The following TRAP1 variants were observed in gnomAD, a reference collection of about 807,000 sequenced individuals.
TRAP1 encodes heat shock protein 75 kDa, mitochondrial.
A neutral mutation model predicts 89.1 loss-of-function variants in TRAP1; 102 were observed. The observed-to-expected ratio is 1.15, with a 90% CI of 0.98 to 1.35. The LOEUF (loss-of-function observed/expected upper bound fraction) is 1.35. Ranked by LOEUF, TRAP1 falls within the 40% of genes most tolerant of loss-of-function variation. The pLI, the probability that TRAP1 is intolerant of heterozygous loss-of-function variation, is 0.00. For missense variants in TRAP1, 1,256 were observed against 945.3 expected, an observed-to-expected ratio of 1.33 and a Z score of -4.31; for synonymous variants, 508 against 388.0, an observed-to-expected ratio of 1.31 and a Z score of -3.64.
At chr16:3,662,413 C>G in intron 15 of TRAP1, 3 of 566,436 alleles carry the variant, frequency 5.3e-6, no homozygotes, top group Non-Finnish European at 9.5e-6. Context: ...CCATGCCAGC[C>G]CACCCTGCAT....
intron 1 of TRAP1, among the ~76,000 whole-genome samples, chr16:3,711,198 T>C (rs2051527110): frequency 6.6e-6 from 1 of 152,018 alleles, no homozygotes; most frequent in Non-Finnish European, 1.5e-5. Flanking sequence ...TCTAGCCACA[T>C]TTCTTAATTA....
chr16:3,658,099 G>A lies in TRAP1; in HGVS notation c.*30C>T. On this transcript the variant is annotated 3_prime_UTR_variant, in exon 18 of 18. Transcript: ENST00000246957. ...GCTCAAGGAGGTGGGGCTGTCATCT[G>A]TGGTGTCAGTCCTTCTGGCCCCCTG... The A allele has an allele frequency of 6.2e-7, 1 of 1,610,620 alleles. No homozygotes were observed. The highest frequency in any genetic ancestry group is 8.5e-7 in the Non-Finnish European group (1 of 1,176,988).
In TRAP1 at chr16:3,686,155, G is replaced by T; in HGVS notation, c.331-19C>A. ...TAAACACCTACAGGAATAGAAATGG[G>T]AGGCACAGACAATGAAGGACACTCA... is the stretch of plus-strand genomic sequence containing the variant. On this transcript the variant is annotated intron_variant, in intron 3 of 17. Transcript: ENST00000246957. 1 of 1,612,784 alleles carries T rather than the reference G, an allele frequency of 6.2e-7. No homozygotes were observed. Among genetic ancestry groups the T allele is most frequent in the African/African-American group, 1.3e-5 (1 of 75,024 alleles).
intron 1 of TRAP1, among the ~76,000 whole-genome samples, chr16:3,692,887 C>T (rs1172398029): frequency 6.6e-6 from 1 of 152,028 alleles, no homozygotes; most frequent in Non-Finnish European, 1.5e-5. Flanking sequence ...GCATGAGCCA[C>T]CGTGCCCAGC....
rs765994343 is a variant in TRAP1 at position 3,664,324 on chromosome 16, G to C, written c.1519C>G (p.Leu507Val). Residue 507 changes from leucine (L) to valine (V), a missense_variant, in exon 13 of 18, where the codon CTG (leucine) becomes GTG (valine). By Grantham distance (32) the Leu-to-Val change is conservative. Coordinates refer to ENST00000246957, the MANE Select transcript of TRAP1 (RefSeq NM_016292.3). ...IYYLCAPNRH[L>V]AEHSPYYEAM... ...TCATAGTAGGGTGAGTGCTCTGCCA[G>C]GTGACGGTTGGGGGCGCACAGGTAG... 2 of 1,612,478 alleles carry C rather than the reference G, an allele frequency of 1.2e-6. No homozygotes were observed. Among genetic ancestry groups the C allele is most frequent in the Non-Finnish European group, 1.7e-6 (2 of 1,179,512 alleles).
intron 9 of TRAP1, among the ~76,000 whole-genome samples, chr16:3,673,216 G>C (rs1024317619): frequency 2.0e-5 from 3 of 152,204 alleles, no homozygotes; most frequent in African/African-American, 7.2e-5. Context: ...AACAGTTGAG[G>C]AAAGATTTCA....
At chr16:3,698,299 T>C (rs558510073) in intron 1 of TRAP1, among the ~76,000 whole-genome samples, 3 of 151,988 alleles carry the variant, frequency 2.0e-5, no homozygotes, top group Admixed American at 2.0e-4. Context: ...TTTCAGGTTA[T>C]GTAAACTTTC....
chr16:3,686,143 G>A lies in TRAP1; in HGVS notation c.331-7C>T, dbSNP rs1479847861. ...TCAGCTCCCGTATAAACACCTACAG[G>A]AATAGAAATGGGAGGCACAGACAAT... is the stretch of plus-strand genomic sequence containing the variant. On this transcript the variant is annotated splice_polypyrimidine_tract_variant and splice_region_variant and intron_variant, in intron 3 of 17. Coordinates refer to ENST00000246957, the MANE Select transcript of TRAP1 (RefSeq NM_016292.3). 5.0e-6 allele frequency: 8 copies of A among 1,613,420 alleles called. No homozygotes were observed. The highest frequency in any genetic ancestry group is 6.8e-6 in the Non-Finnish European group (8 of 1,179,544).
At chr16:3,662,192 G>A in intron 15 of TRAP1, 60 bp from the exon 16 acceptor site, 11 of 1,568,136 alleles carry the variant, frequency 7.0e-6, no homozygotes, top group Admixed American at 3.5e-5. Context: ...GGGCTGGCAG[G>A]ATCTTACCAG....
intron 8 of TRAP1, chr16:3,674,867 G>C: frequency 2.9e-6 from 1 of 344,344 alleles, no homozygotes; most frequent in Non-Finnish European, 5.5e-6. Context: ...GTCAGTCACT[G>C]AGGACAGCAT....
chr16:3,717,484 G>C lies in TRAP1; in HGVS notation c.25C>G (p.Leu9Val). MARELRALLLWGRRLRPLL... is the reference protein window; with the variant it reads MARELRALVLWGRRLRPLL... ...GGCCGCAGGCGGCGGCCCCACAGCA[G>C]CAGCGCCCGCAGCTCGCGCGCCATG... Residue 9 changes from leucine (L) to valine (V), a missense_variant, in exon 1 of 18, where the codon CTG (leucine) becomes GTG (valine). Coordinates refer to ENST00000246957, the MANE Select transcript of TRAP1 (RefSeq NM_016292.3). 7.5e-7 allele frequency: 1 copy of C among 1,339,948 alleles called. No homozygotes were observed. The allele number at this position is 1,339,948 out of a possible 1,614,324, so 83.0% of individuals were successfully genotyped here. A position where few individuals can be genotyped will look rare whatever the true frequency, so the allele number is the denominator to read the frequency against.
intron 1 of TRAP1, among the ~76,000 whole-genome samples, chr16:3,692,795 C>T (rs2051234099): frequency 6.6e-6 from 1 of 151,370 alleles, no homozygotes; most frequent in South Asian, 2.1e-4. Context: ...GACAGGGTTT[C>T]ACCATGTTGG....
At chr16:3,686,481 A>T (rs570509295) in intron 3 of TRAP1, among the ~76,000 whole-genome samples, 1 of 152,102 alleles carries the variant, frequency 6.6e-6, no homozygotes, top group Non-Finnish European at 1.5e-5. Flanking sequence ...CACCCAGCTA[A>T]TTGTTTTAAA....
At position 3,674,331 on chromosome 16, in the gene TRAP1, T is replaced by C. The variant is rs767700495; in HGVS notation, c.1044+8A>G. The C allele has an allele frequency of 1.2e-6, 2 of 1,613,718 alleles. No homozygotes were observed. The highest frequency in any genetic ancestry group is 1.7e-5 in the Admixed American group (1 of 60,010). The stretch of plus-strand genomic sequence containing the variant: ...CCTGAGGGCCGTGGGACTGCCACAG[T>C]GCCTCACCATGTCGGGCACGTAGAA... On this transcript the variant is annotated splice_region_variant and intron_variant, in intron 9 of 17. Coordinates refer to ENST00000246957, the MANE Select transcript of TRAP1 (RefSeq NM_016292.3).
At chr16:3,685,452 A>G (rs565806610) in intron 4 of TRAP1, among the ~76,000 whole-genome samples, 115 of 152,198 alleles carry the variant, frequency 7.6e-4, no homozygotes, top group Admixed American at 1.6e-3. Flanking sequence ...CACCGAGGCC[A>G]GTCTGTCCAC....
chr16:3,682,066 T>C (rs1347848727), intron 4 of TRAP1, among the ~76,000 whole-genome samples: 1 of 152,140 alleles, frequency 6.6e-6, no homozygotes, highest in African/African-American at 2.4e-5. Flanking sequence ...GAGAGTGTAT[T>C]ACTTGATTTT....
At chr16:3,714,063 C>T (rs1363089728) in intron 1 of TRAP1, among the ~76,000 whole-genome samples, 1 of 152,234 alleles carries the variant, frequency 6.6e-6, no homozygotes, top group Admixed American at 6.5e-5. Context: ...TGCAGCTTTC[C>T]AGACATGGAA....
intron 4 of TRAP1, among the ~76,000 whole-genome samples, chr16:3,685,052 A>G (rs1016973442): frequency 1.3e-5 from 2 of 152,216 alleles, no homozygotes; most frequent in African/African-American, 4.8e-5. Context: ...TCATGTCCCC[A>G]TGACCCCTTG....
intron 1 of TRAP1, among the ~76,000 whole-genome samples, chr16:3,697,787 GA>G: frequency 6.6e-6 from 1 of 150,738 alleles, no homozygotes; most frequent in African/African-American, 2.4e-5. Context: ...TTAATATGCA[GA>G]ATTTTTTTTT....
Sources: allele counts gnomAD v4.1 joint callset (sites outside exome capture counted in the v4.1 genomes callset), GRCh38; gene constraint gnomAD v4.1.1; transcripts MANE v1.5; gene names NCBI Gene and HGNC (gene_info 2026-07-23, HGNC 2026-07-21).